SUFU: variants seen among roughly 807,000 people sequenced by gnomAD.
SUFU encodes SUFU negative regulator of hedgehog signaling.
In SUFU, 7 loss-of-function variants were observed where a neutral mutation model predicts 58.9. The observed-to-expected ratio is 0.12, with a 90% CI of 0.07 to 0.22. The LOEUF (loss-of-function observed/expected upper bound fraction) is 0.22, where lower values mean the gene tolerates loss of function less well. Ranked by LOEUF, SUFU falls within the 10% of genes least tolerant of loss-of-function variation. The pLI, the probability that SUFU is intolerant of heterozygous loss-of-function variation, is 1.00. For missense variants in SUFU, 451 were observed against 641.3 expected (o/e 0.70, Z 3.20); for synonymous variants, 232 against 254.8 (o/e 0.91, Z 0.85).
At chr10:102,555,107 A>T (rs2062960321) in intron 3 of SUFU, among the ~76,000 whole-genome samples, 1 of 151,998 alleles carries the variant, frequency 6.6e-6, no homozygotes, top group Non-Finnish European at 1.5e-5. Flanking sequence ...TCTCTACTAA[A>T]AATAAAAAAA....
At chr10:102,580,374 C>A (rs374749734) in intron 3 of SUFU, among the ~76,000 whole-genome samples, 1 of 152,086 alleles carries the variant, frequency 6.6e-6, no homozygotes, top group East Asian at 1.9e-4. Context: ...TCATTGTATT[C>A]AATTTCTGTC....
chr10:102,511,759 G>A (rs1178792294), intron 2 of SUFU, among the ~76,000 whole-genome samples: 1 of 152,122 alleles, frequency 6.6e-6, no homozygotes, highest in Non-Finnish European at 1.5e-5. Context: ...CACCCAGGCA[G>A]GAGTGTAGTG....
At chr10:102,606,470 G>T (rs997340352) in intron 8 of SUFU, among the ~76,000 whole-genome samples, 3 of 152,124 alleles carry the variant, frequency 2.0e-5, no homozygotes, top group African/African-American at 7.2e-5. Context: ...TTGTGACTTA[G>T]AACACTGAGA....
intron 3 of SUFU, among the ~76,000 whole-genome samples, chr10:102,587,467 C>A (rs556556349): frequency 5.7e-4 from 87 of 152,168 alleles, no homozygotes; most frequent in African/African-American, 2.1e-3. Flanking sequence ...TTTTTACTTT[C>A]TTGATGGTAT....
chr10:102,566,697 G>A (rs187893528), intron 3 of SUFU, among the ~76,000 whole-genome samples: 12 of 151,504 alleles, frequency 7.9e-5, no homozygotes, highest in African/African-American at 1.7e-4. Context: ...CTTGGGAGGC[G>A]GAGGTTGCAG....
Position 102,619,026 on chromosome 10 carries a change from C to T in SUFU, c.1296+1598C>T, listed in dbSNP as rs1205171867. On this transcript the variant is annotated intron_variant, in intron 10 of 11. Coordinates refer to ENST00000369902, the MANE Select transcript of SUFU (RefSeq NM_016169.4). The surrounding 1 kb of genome is among the most constrained non-coding windows in gnomAD (Gnocchi z 4.2). ...GGGACAGTCGGGACTGGGGCCTCCC[C>T]AAACTGCAGAATCTACCCAGTTATG... 1 of 1,610,734 alleles carries T rather than the reference C, an allele frequency of 6.2e-7. No homozygotes were observed. Among genetic ancestry groups the T allele is most frequent in the Non-Finnish European group, 8.5e-7 (1 of 1,179,070 alleles).
In SUFU at chr10:102,592,646, A is replaced by C. The variant is rs1240758970; in HGVS notation, c.519A>C (p.Arg173Ser). 6.2e-7 allele frequency: 1 copy of C among 1,614,052 alleles called. No individual in the cohort carries two copies. The highest frequency in any genetic ancestry group is 8.5e-7 in the Non-Finnish European group (1 of 1,180,020). ...GCCCTTTGGATAACAGTGAGTCAAGAATTCAGCACATGCTGCTGACAGAGG... is the reference window on the plus strand; with the variant it reads ...GCCCTTTGGATAACAGTGAGTCAAGCATTCAGCACATGCTGCTGACAGAGG... ...WHSPLDNSES[R>S]IQHMLLTEDP... is the part of the protein sequence containing the mutation. Residue 173 changes from arginine (R) to serine (S), a missense_variant, in exon 4 of 12, where the codon AGA becomes AGC. Physicochemically the swap from Arg to Ser is moderately radical, Grantham distance 110. Coordinates refer to ENST00000369902, the MANE Select transcript of SUFU (RefSeq NM_016169.4).
intron 2 of SUFU, among the ~76,000 whole-genome samples, chr10:102,535,185 G>A (rs1164123420): frequency 1.3e-5 from 2 of 152,050 alleles, no homozygotes; most frequent in African/African-American, 4.8e-5. Flanking sequence ...AAGAGGAAGG[G>A]GGAAAGAAAG....
At position 102,550,165 on chromosome 10, in the gene SUFU, G is replaced by C. The variant is rs1590019181; in HGVS notation, c.454+59G>C. On this transcript the variant is annotated intron_variant, in intron 3 of 11. Coordinates refer to ENST00000369902, the MANE Select transcript of SUFU (RefSeq NM_016169.4). ...TTTTGCCATGAGCCTGGTTGACTTT[G>C]AGTACTAGCAGCTATATTTTGATGT... 6 of 1,611,304 alleles carry C rather than the reference G, an allele frequency of 3.7e-6. No individual in the cohort carries two copies. The East Asian group carries it at 1.3e-4, about 36-fold the overall frequency.
chr10:102,623,767 C>T (rs564798698), intron 10 of SUFU, among the ~76,000 whole-genome samples: 1 of 152,240 alleles, frequency 6.6e-6, no homozygotes, highest in East Asian at 1.9e-4. Flanking sequence ...TGGCAAAACC[C>T]CATCTCTACT....
At chr10:102,537,129 CTTTTTTTT>C (rs74317451) in intron 2 of SUFU, among the ~76,000 whole-genome samples, 1 of 119,380 alleles carries the variant, frequency 8.4e-6, no homozygotes, top group African/African-American at 3.1e-5. Context: ...TTAAATTTAC[CTTTTTTTT>C]TTTTTTTTTT....
intron 2 of SUFU, among the ~76,000 whole-genome samples, chr10:102,541,556 GC>G (rs1004264446): frequency 1.3e-5 from 2 of 151,464 alleles, no homozygotes; most frequent in African/African-American, 4.9e-5. Flanking sequence ...GTGCCACCAC[GC>G]CTGGCAAATT....
chr10:102,525,388 G>A (rs2062598504), intron 2 of SUFU, among the ~76,000 whole-genome samples: 2 of 152,180 alleles, frequency 1.3e-5, no homozygotes, highest in Admixed American at 6.5e-5. Flanking sequence ...GAGATTATAA[G>A]CATGAGCCAC....
At chr10:102,548,784 C>T (rs112478170) in intron 2 of SUFU, among the ~76,000 whole-genome samples, 1 of 151,610 alleles carries the variant, frequency 6.6e-6, no homozygotes. Flanking sequence ...CAGGGACTTC[C>T]CTGAGACTTG....
intron 3 of SUFU, among the ~76,000 whole-genome samples, chr10:102,564,280 G>A (rs1353555585): frequency 6.6e-6 from 1 of 152,136 alleles, no homozygotes; most frequent in African/African-American, 2.4e-5. Context: ...CTTTTCCTCA[G>A]GTAAAGCTTT....
chr10:102,629,750 T>C lies in SUFU; in HGVS notation c.1366-316T>C, dbSNP rs972716950. 6.6e-6 allele frequency among the ~76,000 whole-genome samples: 1 copy of C among 152,114 alleles called. No homozygotes were observed. Among genetic ancestry groups the C allele is most frequent in the Non-Finnish European group, 1.5e-5 (1 of 68,010 alleles). On this transcript the variant is annotated intron_variant, in intron 11 of 11. Transcript: ENST00000369902. This position sits in a 1 kb window ranked among gnomAD's most constrained non-coding sequence, Gnocchi z 4.7. ...AGCCCCAGGGCCTCAGGGAGCAGATTCTTTACATGCCTGTGGCCAGAGGCA... is the reference window on the plus strand; with the variant it reads ...AGCCCCAGGGCCTCAGGGAGCAGATCCTTTACATGCCTGTGGCCAGAGGCA...
chr10:102,511,499 AGAT>A lies in SUFU; in HGVS notation c.317+2203_317+2205del, dbSNP rs374290659. On this transcript the variant is annotated intron_variant, in intron 2 of 11. Coordinates refer to ENST00000369902, the MANE Select transcript of SUFU (RefSeq NM_016169.4). ...GGAGATGATGATGGTATCATAAAGAAGATGATGATAGCCTTTTTTCCCTTTGTT... is the reference window on the plus strand; with the variant it reads ...GGAGATGATGATGGTATCATAAAGAAGATGATAGCCTTTTTTCCCTTTGTT... 1.6e-4 allele frequency among the ~76,000 whole-genome samples: 24 copies of A among 152,276 alleles called. No homozygotes were observed. In the South Asian group the frequency reaches 4.8e-3, roughly 30 times the overall value.
intron 3 of SUFU, among the ~76,000 whole-genome samples, chr10:102,560,891 G>A (rs1287443615): frequency 6.6e-6 from 1 of 151,886 alleles, no homozygotes; most frequent in African/African-American, 2.4e-5. Flanking sequence ...AGGCTGGAGT[G>A]CAATGGCGCG....
chr10:102,524,390 A>G (rs1209994750), intron 2 of SUFU, among the ~76,000 whole-genome samples: 3 of 145,674 alleles, frequency 2.1e-5, no homozygotes, highest in Non-Finnish European at 4.5e-5. Context: ...CAGTGGTGCA[A>G]TCTCGGCTCA....
Sources: allele counts gnomAD v4.1 joint callset (sites outside exome capture counted in the v4.1 genomes callset), GRCh38; gene constraint gnomAD v4.1.1; non-coding constraint Gnocchi (gnomAD v3.1); transcripts MANE v1.5; gene names NCBI Gene and HGNC (gene_info 2026-07-23, HGNC 2026-07-21).